Variants in RIOK3 observed in about 807,000 individuals in gnomAD.
RIOK3 encodes the protein serine/threonine-protein kinase RIO3.
In RIOK3, 40 loss-of-function variants were observed where a neutral mutation model predicts 63.5. That is an observed-to-expected ratio of 0.63 (90% CI 0.49 to 0.82). The LOEUF (loss-of-function observed/expected upper bound fraction) is 0.82. Ranked by LOEUF, RIOK3 falls within the 40% of genes least tolerant of loss-of-function variation. The pLI, the probability that RIOK3 is intolerant of heterozygous loss-of-function variation, is 0.00. For missense variants in RIOK3, 557 were observed against 637.0 expected (o/e 0.87, Z 1.35); for synonymous variants, 193 against 205.0 (o/e 0.94, Z 0.50).
intron 5 of RIOK3, 32 bp downstream of exon 5, chr18:23,464,660 T>C (rs764133543): frequency 1.5e-6 from 2 of 1,339,396 alleles, no homozygotes; most frequent in Non-Finnish European, 1.0e-6. Flanking sequence ...TCTCTGAATT[T>C]AGAGTTTTGT....
At chr18:23,473,775 C>T (rs1390021191) in intron 8 of RIOK3, 149 bp downstream of exon 8, 2 of 624,376 alleles carry the variant, frequency 3.2e-6, no homozygotes, top group Admixed American at 3.7e-5. Context: ...ATGAAAAAGC[C>T]ATTTTCTTTT....
intron 4 of RIOK3, 65 bp downstream of exon 4, chr18:23,464,378 G>T: frequency 7.9e-7 from 1 of 1,263,264 alleles, no homozygotes; most frequent in Non-Finnish European, 1.1e-6. Context: ...TCTTTTCAAT[G>T]AACTCTTTTA....
intron 11 of RIOK3, chr18:23,478,973 G>T (rs117439612): frequency 0.014 from 3,098 of 216,302 alleles, 39 homozygotes; most frequent in Non-Finnish European, 0.019. Flanking sequence ...ACTAGAACCT[G>T]AGTATAGTCC....
At chr18:23,456,113 G>A (rs1258490764) in intron 1 of RIOK3, among the ~76,000 whole-genome samples, 1 of 151,748 alleles carries the variant, frequency 6.6e-6, no homozygotes, top group African/African-American at 2.4e-5. Context: ...GTATTTTTGT[G>A]TAGAGATCGG....
chr18:23,463,191 A>G (rs766415242), intron 2 of RIOK3, 112 bp downstream of exon 2: 6 of 624,800 alleles, frequency 9.6e-6, no homozygotes, highest in Non-Finnish European at 1.7e-5. Flanking sequence ...AGAAAGCACC[A>G]TATTGAGAGT....
In RIOK3 at chr18:23,481,859, T is replaced by TA. The variant is rs2145710336; in HGVS notation, c.*581dup. The TA allele has an allele frequency of 6.6e-6, 1 of 152,368 alleles. No individual in the cohort carries two copies. The highest frequency in any genetic ancestry group is 2.1e-4 in the South Asian group (1 of 4,826). 9.4% of individuals were successfully genotyped at this position (152,368 alleles called of 1,614,324 possible). On this transcript the variant is annotated 3_prime_UTR_variant, in exon 13 of 13. Transcript: ENST00000339486. ...ACATAAGTCATGTAATTTTTGTTGA[T>TA]ATATCATGAAAATGAACAGAATTCT...
At chr18:23,453,524 A>G (rs1474256007) in intron 1 of RIOK3, 22 bp downstream of exon 1, 7 of 1,591,560 alleles carry the variant, frequency 4.4e-6, no homozygotes, top group African/African-American at 4.0e-5. Context: ...ACGAGACTGG[A>G]GTACTAGCCT....
intron 9 of RIOK3, 58 bp downstream of exon 9, chr18:23,475,165 C>A: frequency 6.9e-7 from 1 of 1,456,948 alleles, no homozygotes; most frequent in Non-Finnish European, 9.4e-7. Flanking sequence ...TTCCTCTAAA[C>A]TTTAAAAAAA....
At chr18:23,472,758 C>T (rs2057464350) in intron 7 of RIOK3, among the ~76,000 whole-genome samples, 1 of 152,208 alleles carries the variant, frequency 6.6e-6, no homozygotes, top group Admixed American at 6.5e-5. Flanking sequence ...TGTCCTTTAG[C>T]TCCAATTTTT....
At chr18:23,477,952 A>T (rs2057504369) in intron 11 of RIOK3, among the ~76,000 whole-genome samples, 1 of 151,660 alleles carries the variant, frequency 6.6e-6, no homozygotes, top group East Asian at 1.9e-4. Context: ...TGTGCCTGTA[A>T]TCCCAGCTAG....
intron 11 of RIOK3, chr18:23,479,047 C>G: frequency 3.1e-6 from 1 of 319,508 alleles, no homozygotes; most frequent in East Asian, 5.8e-5. Flanking sequence ...CTCAAGAGAT[C>G]CTCCCTCCTT....
chr18:23,476,197 G>C (rs988423877), intron 9 of RIOK3, among the ~76,000 whole-genome samples: 1 of 152,088 alleles, frequency 6.6e-6, no homozygotes, highest in African/African-American at 2.4e-5. Context: ...TAAGTTGGAA[G>C]GCATGTTGGG....
At chr18:23,472,239 A>C (rs1207754206) in intron 7 of RIOK3, among the ~76,000 whole-genome samples, 1 of 152,060 alleles carries the variant, frequency 6.6e-6, no homozygotes, top group Non-Finnish European at 1.5e-5. Context: ...TCTCAAAAAA[A>C]AAAAGAAATG....
chr18:23,474,755 CTT>C (rs1293406840), intron 8 of RIOK3, among the ~76,000 whole-genome samples, 191 bp from the exon 9 acceptor site: 2 of 152,216 alleles, frequency 1.3e-5, no homozygotes, highest in African/African-American at 2.4e-5. Flanking sequence ...GTAATTGTCT[CTT>C]GTCTGTCATT....
At chr18:23,458,462 A>C (rs2057354654) in intron 1 of RIOK3, among the ~76,000 whole-genome samples, 1 of 152,202 alleles carries the variant, frequency 6.6e-6, no homozygotes, top group African/African-American at 2.4e-5. Flanking sequence ...CAGGAAAGAA[A>C]GAACCAGGAG....
chr18:23,453,541 C>T (rs2057317813), intron 1 of RIOK3, 39 bp downstream of exon 1: 1 of 1,513,628 alleles, frequency 6.6e-7, no homozygotes, highest in South Asian at 1.1e-5. Context: ...GCCTTGGTCA[C>T]ACGGGCTGGA....
rs1416487186 is a variant in RIOK3 at position 23,482,864 on chromosome 18, C to A, written c.*1585C>A. 1.3e-5 allele frequency: 2 copies of A among 152,098 alleles called. No individual in the cohort carries two copies. Among genetic ancestry groups the A allele is most frequent in the African/African-American group, 4.8e-5 (2 of 41,396 alleles). 9.4% of individuals were successfully genotyped at this position (152,098 alleles called of 1,614,324 possible). On this transcript the variant is annotated 3_prime_UTR_variant, in exon 13 of 13. Coordinates refer to ENST00000339486, the MANE Select transcript of RIOK3 (RefSeq NM_003831.5). The stretch of plus-strand genomic sequence containing the variant: ...ATTTATTTTTGTTTTTGTTGGATAG[C>A]TTTTAATTACATTTCAGAGAGGTGT...
chr18:23,471,324 G>T (rs2057454997), intron 7 of RIOK3, among the ~76,000 whole-genome samples: 1 of 152,198 alleles, frequency 6.6e-6, no homozygotes, highest in South Asian at 2.1e-4. Flanking sequence ...AGAACAGCTA[G>T]TGCTAATGCC....
chr18:23,454,150 T>G (rs937217497), intron 1 of RIOK3, among the ~76,000 whole-genome samples: 7 of 152,228 alleles, frequency 4.6e-5, no homozygotes, highest in Non-Finnish European at 8.8e-5. Context: ...CTTTTCATGA[T>G]ACTTTGATTA....
Sources: allele counts gnomAD v4.1 joint callset (sites outside exome capture counted in the v4.1 genomes callset), GRCh38; gene constraint gnomAD v4.1.1; transcripts MANE v1.5; gene names NCBI Gene and HGNC (gene_info 2026-07-23, HGNC 2026-07-21).